Variants in MYLK observed in about 807,000 individuals in gnomAD.
MYLK encodes myosin light chain kinase, smooth muscle.
MYLK carries 106 observed loss-of-function variants against 203.4 expected under a neutral mutation model. The observed-to-expected ratio is 0.52, with a 90% CI of 0.45 to 0.61. The LOEUF is 0.61. MYLK is among the 20% of genes least tolerant of loss of function. The pLI is 0.00. For synonymous variants in MYLK, 867 were observed against 959.5 expected (o/e 0.90, Z 1.78); for missense variants, 2,072 against 2,442.3 (o/e 0.85, Z 3.20).
chr3:123,818,173 C>T (rs571918834), intron 3 of MYLK, among the ~76,000 whole-genome samples: 2 of 152,276 alleles, frequency 1.3e-5, no homozygotes, highest in South Asian at 4.1e-4. Context: ...TATGCCTCCC[C>T]GTAAATGGAC....
At chr3:123,854,703 A>G (rs76680667) in intron 2 of MYLK, among the ~76,000 whole-genome samples, 11,488 of 152,244 alleles carry the variant, frequency 0.075, 728 homozygotes, top group East Asian at 0.36. Flanking sequence ...TTAGCATCTC[A>G]CAATATATTC....
At chr3:123,761,786 G>A (rs1332470753) in intron 4 of MYLK, among the ~76,000 whole-genome samples, 2 of 152,164 alleles carry the variant, frequency 1.3e-5, no homozygotes, top group African/African-American at 4.8e-5. Flanking sequence ...AGCATTTTGG[G>A]AGGCCGAGGC....
chr3:123,769,338 T>A (rs1174052920), intron 4 of MYLK, among the ~76,000 whole-genome samples: 1 of 152,228 alleles, frequency 6.6e-6, no homozygotes, highest in Non-Finnish European at 1.5e-5. Flanking sequence ...GAATGGCTCA[T>A]GACAATCTGA....
intron 24 of MYLK, 23 bp downstream of exon 24, chr3:123,657,103 C>G (rs1320161533): frequency 1.2e-6 from 2 of 1,614,064 alleles, no homozygotes. Context: ...TTTCAAGCCA[C>G]TGATGAAGTG....
Position 123,707,607 on chromosome 3 carries a change from T to G in MYLK, c.2390+147A>C. ...CTGAAGTGGAAGAAGCAAAAGCTTGTGAGCAGCACTGAGCCCGCACTTGCT... is the reference window on the plus strand; with the variant it reads ...CTGAAGTGGAAGAAGCAAAAGCTTGGGAGCAGCACTGAGCCCGCACTTGCT... On this transcript the variant is annotated intron_variant, in intron 16 of 33. Transcript: ENST00000360304. The G allele has an allele frequency of 4.1e-6, 5 of 1,222,314 alleles. No homozygotes were observed. The South Asian group carries it at 6.1e-5, about 15-fold the overall frequency. The allele number at this position is 1,222,314 out of a possible 1,614,324, so 75.7% of individuals were successfully genotyped here.
chr3:123,800,653 G>T (rs1052133438), intron 3 of MYLK, among the ~76,000 whole-genome samples: 2 of 152,172 alleles, frequency 1.3e-5, no homozygotes, highest in African/African-American at 4.8e-5. Flanking sequence ...TTTTCCTCCA[G>T]CAAGAGAAGG....
intron 10 of MYLK, 140 bp downstream of exon 10, chr3:123,733,547 T>C (rs1290117783): frequency 9.9e-7 from 1 of 1,010,722 alleles, no homozygotes; most frequent in Non-Finnish European, 1.5e-6. Context: ...GGAAGGCCCT[T>C]GTAAGGTGGT....
Position 123,838,679 on chromosome 3 carries a change from G to A in MYLK, c.-126-7009C>T, listed in dbSNP as rs78324029. The stretch of plus-strand genomic sequence containing the variant: ...ATATTCTAAGGTTTTTATACCATAC[G>A]TGAAGTGATATAATTGGAAGGTAGA... On this transcript the variant is annotated intron_variant, in intron 2 of 33. Transcript: ENST00000360304. Among the ~76,000 whole-genome samples the A allele has an allele frequency of 2.4e-3, 362 of 152,284 alleles. 1 individual carries two copies. The highest frequency in any genetic ancestry group is 4.3e-3 in the Non-Finnish European group (290 of 68,014).
At chr3:123,667,660 G>T (rs967350737) in intron 20 of MYLK, among the ~76,000 whole-genome samples, 1 of 151,872 alleles carries the variant, frequency 6.6e-6, no homozygotes, top group Non-Finnish European at 1.5e-5. Context: ...AGATCACTTT[G>T]CCCTTTCACA....
At chr3:123,802,894 G>C (rs1414705292) in intron 3 of MYLK, among the ~76,000 whole-genome samples, 2 of 152,148 alleles carry the variant, frequency 1.3e-5, no homozygotes, top group African/African-American at 2.4e-5. Context: ...GATTAAGTTT[G>C]GGGTATCAAG....
intron 13 of MYLK, among the ~76,000 whole-genome samples, chr3:123,713,812 G>A (rs561623114): frequency 3.3e-5 from 5 of 152,190 alleles, no homozygotes; most frequent in Admixed American, 1.3e-4. Flanking sequence ...AGCAAGCCTC[G>A]GTGTTCTCTC....
At chr3:123,770,176 T>C (rs912007700) in intron 4 of MYLK, among the ~76,000 whole-genome samples, 1 of 147,870 alleles carries the variant, frequency 6.8e-6, no homozygotes, top group Non-Finnish European at 1.5e-5. Flanking sequence ...AAAAAAAAAT[T>C]AGCTGGGCGT....
rs148050466 is a variant in MYLK, at chr3:123,741,584, G to A, written c.374-1583C>T. Reference sequence around the variant, plus strand: ...GTCCAGTCCTCCTGGAAATACTTGAGTGAGGAAAAATCATAAGCTTTAAAG... The same window carrying A: ...GTCCAGTCCTCCTGGAAATACTTGAATGAGGAAAAATCATAAGCTTTAAAG... On this transcript the variant is annotated intron_variant, in intron 5 of 33. Coordinates refer to ENST00000360304, the MANE Select transcript of MYLK (RefSeq NM_053025.4). 1.7e-3 allele frequency among the ~76,000 whole-genome samples: 266 copies of A among 152,342 alleles called. 2 individuals are homozygous for A. The Middle Eastern group carries it at 0.02, about 12-fold the overall frequency.
Position 123,734,183 on chromosome 3 carries a change from G to C in MYLK, c.813C>G (p.Val271=), listed in dbSNP as rs1320115422. 1 of 1,328,088 alleles carries C rather than the reference G, an allele frequency of 7.5e-7. No individual in the cohort carries two copies. Among genetic ancestry groups the C allele is most frequent in the Non-Finnish European group, 9.8e-7 (1 of 1,015,948 alleles). The allele number at this position is 1,328,088 out of a possible 1,614,324, so 82.3% of individuals were successfully genotyped here. ...VRETKATNSD[V]RKEVTNVISK... Reference sequence around the variant, plus strand: ...AGATTACATTGGTCACCTCTTTCCTGACATCTGAATTGGTGGCTTTTGTTT... The same window carrying C: ...AGATTACATTGGTCACCTCTTTCCTCACATCTGAATTGGTGGCTTTTGTTT... The change falls in exon 10 of 34, where the codon GTC becomes GTG. Residue 271 remains valine (V), a synonymous_variant. Coordinates refer to ENST00000360304, the MANE Select transcript of MYLK (RefSeq NM_053025.4).
intron 4 of MYLK, among the ~76,000 whole-genome samples, chr3:123,776,895 C>A (rs908660956): frequency 6.6e-6 from 1 of 152,194 alleles, no homozygotes; most frequent in African/African-American, 2.4e-5. Context: ...AGCCACTATG[C>A]CCCTGTAGAT....
intron 4 of MYLK, among the ~76,000 whole-genome samples, chr3:123,789,057 C>G (rs1490371535): frequency 1.3e-5 from 2 of 152,074 alleles, no homozygotes; most frequent in African/African-American, 4.8e-5. Flanking sequence ...GGAAAACAGC[C>G]CATCAACACT....
At chr3:123,809,969 A>C (rs2109224249) in intron 3 of MYLK, among the ~76,000 whole-genome samples, 1 of 152,286 alleles carries the variant, frequency 6.6e-6, no homozygotes, top group Middle Eastern at 3.4e-3. Flanking sequence ...AGCTGGACAA[A>C]AGGATTGAGA....
intron 2 of MYLK, among the ~76,000 whole-genome samples, chr3:123,848,618 GA>G (rs2030355039): frequency 6.6e-6 from 1 of 152,110 alleles, no homozygotes; most frequent in African/African-American, 2.4e-5. Context: ...GGGCTTCCAA[GA>G]AAGCTCTCTA....
At chr3:123,651,915 G>A (rs2059225703) in intron 24 of MYLK, among the ~76,000 whole-genome samples, 1 of 152,216 alleles carries the variant, frequency 6.6e-6, no homozygotes, top group Non-Finnish European at 1.5e-5. Flanking sequence ...TCTTTCTAGT[G>A]CACTGTGTTC....
Sources: allele counts gnomAD v4.1 joint callset (sites outside exome capture counted in the v4.1 genomes callset), GRCh38; gene constraint gnomAD v4.1.1; transcripts MANE v1.5; gene names NCBI Gene and HGNC (gene_info 2026-07-23, HGNC 2026-07-21).